QSER1: variants seen among roughly 807,000 people sequenced by gnomAD.
The protein encoded by QSER1 is glutamine and serine-rich protein 1.
A neutral mutation model predicts 158.5 loss-of-function variants in QSER1; 49 were observed. The observed-to-expected ratio is 0.31, with a 90% CI of 0.25 to 0.39. QSER1 has a LOEUF of 0.39. Among genes scored for constraint, QSER1 ranks in the 10% least tolerant of loss-of-function variants. QSER1 has a pLI of 1.00. For missense variants in QSER1, 1,754 were observed against 2,010.3 expected (o/e 0.87, Z 2.44); for synonymous variants, 650 against 715.5 (o/e 0.91, Z 1.46).
At chr11:32,975,559 G>T (rs777249449) in intron 12 of QSER1, 1 of 1,382,492 alleles carries the variant, frequency 7.2e-7, no homozygotes, top group African/African-American at 1.5e-5. Context: ...TCTTGTAGGA[G>T]CTATAATTGG....
Position 32,926,558 on chromosome 11 carries a change from G to T in QSER1, c.210-599G>T, listed in dbSNP as rs1226178254. Among the ~76,000 whole-genome samples the T allele has an allele frequency of 2.6e-5, 4 of 152,108 alleles. No homozygotes were observed. In the East Asian group the frequency reaches 5.8e-4, roughly 22 times the overall value. ...TTGTATTTTTGATTTCTTTCTATGG[G>T]TTTAAAATATTCAAAATAAAAACAT... On this transcript the variant is annotated intron_variant, in intron 1 of 12. Transcript: ENST00000650167.
intron 4 of QSER1, among the ~76,000 whole-genome samples, chr11:32,951,685 A>G (rs1278730013): frequency 6.6e-6 from 1 of 152,178 alleles, no homozygotes; most frequent in Non-Finnish European, 1.5e-5. Flanking sequence ...TTTTGATGCT[A>G]TTAGAAATGG....
chr11:32,924,344 G>GCTC (rs1851939086), intron 1 of QSER1, among the ~76,000 whole-genome samples: 1 of 152,046 alleles, frequency 6.6e-6, no homozygotes, highest in South Asian at 2.1e-4. Context: ...TGGGTAGATT[G>GCTC]CTTGTTTGAG....
At chr11:32,975,562 A>G in intron 12 of QSER1, 2 of 1,375,042 alleles carry the variant, frequency 1.5e-6, no homozygotes, top group Non-Finnish European at 1.9e-6. Context: ...TGTAGGAGCT[A>G]TAATTGGTAA....
At position 32,915,794 on chromosome 11, in the gene QSER1, G is replaced by A. The variant is rs543615783; in HGVS notation, c.210-11363G>A. 3.3e-5 allele frequency among the ~76,000 whole-genome samples: 5 copies of A among 152,238 alleles called. No individual in the cohort carries two copies. The South Asian group carries it at 1.0e-3, about 32-fold the overall frequency. ...CATTATTATATGGTATATGGAGATG[G>A]GCCAACCATAAAAGATTGAATACAT... On this transcript the variant is annotated intron_variant, in intron 1 of 12. Transcript: ENST00000650167.
intron 8 of QSER1, among the ~76,000 whole-genome samples, chr11:32,965,396 C>T (rs1299822484): frequency 3.3e-5 from 5 of 151,924 alleles, no homozygotes; most frequent in African/African-American, 7.3e-5. Context: ...ATTACAGGCA[C>T]GTGCCACTGC....
intron 1 of QSER1, among the ~76,000 whole-genome samples, chr11:32,921,626 G>T (rs979070905): frequency 4.6e-5 from 7 of 152,136 alleles, no homozygotes; most frequent in Non-Finnish European, 1.0e-4. Context: ...ATTGTTGAGA[G>T]AAATTAAAGA....
At chr11:32,946,773 C>G (rs370543039) in intron 4 of QSER1, among the ~76,000 whole-genome samples, 3 of 151,998 alleles carry the variant, frequency 2.0e-5, no homozygotes, top group Non-Finnish European at 4.4e-5. Flanking sequence ...TCAAGCTTCC[C>G]GGCTGCTTTG....
At chr11:32,919,619 A>C (rs1389676785) in intron 1 of QSER1, among the ~76,000 whole-genome samples, 5 of 152,170 alleles carry the variant, frequency 3.3e-5, no homozygotes, top group African/African-American at 4.8e-5. Context: ...AGGTTTCTAC[A>C]CTGTAAAGTT....
rs1852051878 is a variant in QSER1, at chr11:32,931,868, A to C, written c.610A>C (p.Thr204Pro). 2 of 1,614,032 alleles carry C rather than the reference A, an allele frequency of 1.2e-6. No individual in the cohort carries two copies. Among genetic ancestry groups the C allele is most frequent in the South Asian group, 1.1e-5 (1 of 91,092 alleles). Residue 204 changes from threonine to proline, a missense_variant, in exon 4 of 13, where the codon ACT (threonine) becomes CCT (proline). By Grantham distance (38) the Thr-to-Pro change is conservative. Coordinates refer to ENST00000650167, the MANE Select transcript of QSER1 (RefSeq NM_001076786.3). ...CTTCAGCAATAGAAACTTTGCTACCACTTCACCTTTGGTGCTTCAGGATTC... is the reference window on the plus strand; with the variant it reads ...CTTCAGCAATAGAAACTTTGCTACCCCTTCACCTTTGGTGCTTCAGGATTC... ...TTFSNRNFAT[T>P]SPLVLQDSTF...
chr11:32,907,273 G>T (rs980583627), intron 1 of QSER1, among the ~76,000 whole-genome samples: 1 of 152,144 alleles, frequency 6.6e-6, no homozygotes, highest in African/African-American at 2.4e-5. Context: ...TGATTCATCT[G>T]AACATATTCT....
At chr11:32,920,434 A>G (rs191770288) in intron 1 of QSER1, among the ~76,000 whole-genome samples, 1 of 152,320 alleles carries the variant, frequency 6.6e-6, no homozygotes, top group African/African-American at 2.4e-5. Flanking sequence ...TAGAGAAAAC[A>G]TGGGCATAAA....
At chr11:32,920,147 T>C (rs1029815868) in intron 1 of QSER1, among the ~76,000 whole-genome samples, 3 of 152,206 alleles carry the variant, frequency 2.0e-5, no homozygotes, top group Admixed American at 2.0e-4. Flanking sequence ...TGCTGGAGTG[T>C]CATTGCTTCT....
intron 4 of QSER1, among the ~76,000 whole-genome samples, chr11:32,946,553 T>G (rs934593653): frequency 6.6e-6 from 1 of 152,006 alleles, no homozygotes; most frequent in African/African-American, 2.4e-5. Context: ...CTGCTCGGGG[T>G]TCAGTGACCC....
chr11:32,903,966 C>T (rs761339458), intron 1 of QSER1, among the ~76,000 whole-genome samples: 1 of 152,076 alleles, frequency 6.6e-6, no homozygotes, highest in Non-Finnish European at 1.5e-5. Flanking sequence ...TTGTAAAAAA[C>T]TTATCTGTTC....
intron 8 of QSER1, among the ~76,000 whole-genome samples, chr11:32,959,104 T>C (rs1230715587): frequency 6.6e-6 from 1 of 152,166 alleles, no homozygotes; most frequent in Non-Finnish European, 1.5e-5. Flanking sequence ...TTCAGGTGGT[T>C]TAGTAGTGTA....
At chr11:32,909,734 G>A (rs748464947) in intron 1 of QSER1, among the ~76,000 whole-genome samples, 6 of 152,250 alleles carry the variant, frequency 3.9e-5, no homozygotes, top group East Asian at 1.9e-4. Flanking sequence ...GAGCCACTGC[G>A]CCTGTCCTAA....
At chr11:32,942,615 A>G (rs1444468191) in intron 4 of QSER1, among the ~76,000 whole-genome samples, 1 of 152,184 alleles carries the variant, frequency 6.6e-6, no homozygotes, top group Non-Finnish European at 1.5e-5. Flanking sequence ...TACCAGTACC[A>G]TGCTGTTTTG....
intron 1 of QSER1, among the ~76,000 whole-genome samples, chr11:32,926,551 T>C (rs1851974360): frequency 6.6e-6 from 1 of 152,224 alleles, no homozygotes. Flanking sequence ...TTGATTTCTT[T>C]CTATGGGTTT....
Sources: gnomAD v4.1 joint callset for allele counts (sites outside exome capture counted in the v4.1 genomes callset) on GRCh38, gnomAD v4.1.1 for gene constraint, MANE v1.5 for transcripts, NCBI Gene and HGNC (gene_info 2026-07-23, HGNC 2026-07-21) for gene names.